Variants in GRID2 observed in about 807,000 individuals in gnomAD.
GRID2 encodes the protein glutamate ionotropic receptor delta type subunit 2, also known as glutamate receptor ionotropic, delta-2.
In GRID2, 33 loss-of-function variants were observed where a neutral mutation model predicts 114.8. The observed-to-expected ratio is 0.29, with a 90% CI of 0.22 to 0.38. The LOEUF is 0.38. Ranked by LOEUF, GRID2 falls within the 10% of genes least tolerant of loss-of-function variation. The probability of loss-of-function intolerance (pLI) is 1.00; values close to 1 mark genes in which losing one functional copy is unlikely to be tolerated. For missense variants in GRID2, 1,184 were observed against 1,257.7 expected (o/e 0.94, Z 0.89); for synonymous variants, 505 against 449.9 (o/e 1.12, Z -1.55).
At chr4:92,935,163 A>T (rs1750563424) in intron 2 of GRID2, among the ~76,000 whole-genome samples, 1 of 146,344 alleles carries the variant, frequency 6.8e-6, no homozygotes, top group Admixed American at 7.4e-5. Flanking sequence ...AATATCCAGA[A>T]TCTACAATGA....
intron 2 of GRID2, among the ~76,000 whole-genome samples, chr4:92,731,534 C>T (rs2149324688): frequency 6.6e-6 from 1 of 152,004 alleles, no homozygotes; most frequent in East Asian, 1.9e-4. Flanking sequence ...TATATTTCTA[C>T]ACAATGTATA....
At chr4:93,232,062 A>G (rs1746211115) in intron 7 of GRID2, among the ~76,000 whole-genome samples, 1 of 152,170 alleles carries the variant, frequency 6.6e-6, no homozygotes, top group Non-Finnish European at 1.5e-5. Flanking sequence ...TTGTACAATG[A>G]CAAGAGTTGA....
At chr4:92,478,576 AT>A (rs1363604348) in intron 1 of GRID2, among the ~76,000 whole-genome samples, 3 of 152,052 alleles carry the variant, frequency 2.0e-5, no homozygotes, top group Non-Finnish European at 2.9e-5. Flanking sequence ...GATTTTGCAC[AT>A]TTTTTAATGG....
intron 14 of GRID2, among the ~76,000 whole-genome samples, chr4:93,729,372 A>C (rs1003582213): frequency 6.6e-5 from 10 of 152,178 alleles, no homozygotes; most frequent in African/African-American, 2.4e-4. Flanking sequence ...CAGTTTAGAA[A>C]AGAAATAAAA....
intron 13 of GRID2, among the ~76,000 whole-genome samples, chr4:93,557,177 C>A (rs1474382727): frequency 6.6e-6 from 1 of 152,134 alleles, no homozygotes; most frequent in African/African-American, 2.4e-5. Context: ...GAAGAAACTG[C>A]ATCAACTAAC....
intron 2 of GRID2, among the ~76,000 whole-genome samples, chr4:93,004,202 C>T (rs1721279529): frequency 6.6e-6 from 1 of 151,798 alleles, no homozygotes; most frequent in African/African-American, 2.4e-5. Flanking sequence ...TGTATTCTTT[C>T]CACAGTGACC....
At chr4:92,930,878 A>C (rs1456851352) in intron 2 of GRID2, among the ~76,000 whole-genome samples, 1 of 151,176 alleles carries the variant, frequency 6.6e-6, no homozygotes, top group Admixed American at 6.6e-5. Flanking sequence ...TTTAAACAAA[A>C]ACATTCCACA....
rs141588988 is a variant in GRID2 at position 93,766,328 on chromosome 4, G to T, written c.2361-2882G>T. On this transcript the variant is annotated intron_variant, in intron 14 of 15. Transcript: ENST00000282020. ...AGGAAACTTACAATCATGGTGGAAGGCACCTCTTCACAAGGCAGCGGGAGA... is the reference window on the plus strand; with the variant it reads ...AGGAAACTTACAATCATGGTGGAAGTCACCTCTTCACAAGGCAGCGGGAGA... Among the ~76,000 whole-genome samples the T allele has an allele frequency of 5.3e-5, 8 of 152,310 alleles. No homozygotes were observed. The East Asian group carries it at 1.2e-3, about 22-fold the overall frequency.
At chr4:92,632,166 T>C (rs17019712) in intron 2 of GRID2, among the ~76,000 whole-genome samples, 12,960 of 152,218 alleles carry the variant, frequency 0.085, 649 homozygotes, top group East Asian at 0.16. Flanking sequence ...TTAAAATTTA[T>C]ATCTTTTAGC....
At chr4:93,632,528 G>A (rs1403202148) in intron 14 of GRID2, among the ~76,000 whole-genome samples, 1 of 152,154 alleles carries the variant, frequency 6.6e-6, no homozygotes, top group African/African-American at 2.4e-5. Context: ...GCTGGTTGTA[G>A]ATGTGTGGTA....
intron 2 of GRID2, among the ~76,000 whole-genome samples, chr4:93,070,088 G>C (rs780262700): frequency 6.6e-6 from 1 of 152,034 alleles, no homozygotes; most frequent in African/African-American, 2.4e-5. Context: ...CACACAAAAA[G>C]TATTAGTGTC....
chr4:92,480,660 G>A (rs1196279610), intron 1 of GRID2, among the ~76,000 whole-genome samples: 2 of 152,068 alleles, frequency 1.3e-5, no homozygotes, highest in African/African-American at 4.8e-5. Flanking sequence ...CCTTTCTTTG[G>A]CTGCACTGGT....
chr4:92,920,370 G>A (rs764976985), intron 2 of GRID2, among the ~76,000 whole-genome samples: 1 of 152,168 alleles, frequency 6.6e-6, no homozygotes, highest in Non-Finnish European at 1.5e-5. Flanking sequence ...ATTGTTATGT[G>A]TGAATTTGAT....
intron 1 of GRID2, among the ~76,000 whole-genome samples, chr4:92,547,413 A>G (rs1349258123): frequency 6.6e-6 from 1 of 152,138 alleles, no homozygotes; most frequent in Non-Finnish European, 1.5e-5. Context: ...GTTTTTATGT[A>G]TGAGTTGATT....
chr4:93,700,205 A>G (rs1489687853), intron 14 of GRID2, among the ~76,000 whole-genome samples: 1 of 152,170 alleles, frequency 6.6e-6, no homozygotes, highest in East Asian at 1.9e-4. Flanking sequence ...TGACTCTAAT[A>G]CAGAGCAGGT....
At chr4:93,150,070 GT>G (rs1736603476) in intron 4 of GRID2, among the ~76,000 whole-genome samples, 1 of 152,150 alleles carries the variant, frequency 6.6e-6, no homozygotes, top group African/African-American at 2.4e-5. Context: ...AAAAAAGAAA[GT>G]TTCAATTCAG....
chr4:92,370,670 A>G (rs1345677146), intron 1 of GRID2, among the ~76,000 whole-genome samples: 1 of 152,206 alleles, frequency 6.6e-6, no homozygotes, highest in South Asian at 2.1e-4. Flanking sequence ...TGAGTCGCAC[A>G]TCTTTCATTT....
intron 14 of GRID2, among the ~76,000 whole-genome samples, chr4:93,751,008 T>G (rs978168408): frequency 6.6e-6 from 1 of 152,198 alleles, no homozygotes; most frequent in African/African-American, 2.4e-5. Flanking sequence ...TGAATTAAAC[T>G]GAGGGTCCAT....
At chr4:92,477,791 T>C (rs1027060514) in intron 1 of GRID2, among the ~76,000 whole-genome samples, 1 of 147,580 alleles carries the variant, frequency 6.8e-6, no homozygotes, top group Admixed American at 6.8e-5. Context: ...ATTATATTAA[T>C]ATACATATAA....
Sources: allele counts gnomAD v4.1 joint callset (sites outside exome capture counted in the v4.1 genomes callset), GRCh38; gene constraint gnomAD v4.1.1; transcripts MANE v1.5; gene names NCBI Gene and HGNC (gene_info 2026-07-23, HGNC 2026-07-21).